BAIAP2L2: variants seen among roughly 807,000 people sequenced by gnomAD.
The protein encoded by BAIAP2L2 is BAR/IMD domain-containing adapter protein 2-like 2.
BAIAP2L2 carries 65 observed loss-of-function variants against 60.4 expected under a neutral mutation model. The ratio of observed to expected loss-of-function variants is 1.08; its 90% CI spans 0.88 to 1.32. The LOEUF (loss-of-function observed/expected upper bound fraction) is 1.32. Among genes scored for constraint, BAIAP2L2 ranks in the 40% most tolerant of loss-of-function variants. The probability of loss-of-function intolerance (pLI) is 0.00; values close to 1 mark genes in which losing one functional copy is unlikely to be tolerated. For missense variants in BAIAP2L2, 836 were observed against 741.2 expected, an observed-to-expected ratio of 1.13 and a Z score of -1.48; for synonymous variants, 344 against 301.7, an observed-to-expected ratio of 1.14 and a Z score of -1.45.
At chr22:38,100,459 G>A (rs1003675527) in intron 4 of BAIAP2L2, among the ~76,000 whole-genome samples, 3 of 151,884 alleles carry the variant, frequency 2.0e-5, no homozygotes, top group African/African-American at 7.3e-5. Flanking sequence ...CCTAGGGGGC[G>A]GAGGTTGCAG....
At chr22:38,096,932 G>A in intron 7 of BAIAP2L2, 100 bp downstream of exon 7, 1 of 1,311,530 alleles carries the variant, frequency 7.6e-7, no homozygotes, top group Non-Finnish European at 1.0e-6. Context: ...GGCAGGCAGG[G>A]AGGGAAGAGG....
At chr22:38,102,476 G>GA (rs1291483261) in intron 4 of BAIAP2L2, among the ~76,000 whole-genome samples, 1 of 152,034 alleles carries the variant, frequency 6.6e-6, no homozygotes, top group Non-Finnish European at 1.5e-5. Context: ...ACAATTTCAG[G>GA]AAAAAACCTA....
chr22:38,095,018 G>C (rs2086397143), intron 7 of BAIAP2L2, among the ~76,000 whole-genome samples: 1 of 152,146 alleles, frequency 6.6e-6, no homozygotes, highest in Non-Finnish European at 1.5e-5. Flanking sequence ...TGGGCATGGT[G>C]GCGCACACCT....
intron 12 of BAIAP2L2, among the ~76,000 whole-genome samples, chr22:38,085,988 C>T (rs891678129): frequency 7.2e-5 from 11 of 152,320 alleles, no homozygotes; most frequent in Admixed American, 2.0e-4. Flanking sequence ...GTGGCTCCAT[C>T]GGAGATGCCC....
chr22:38,101,372 A>T (rs1000043385), intron 4 of BAIAP2L2, among the ~76,000 whole-genome samples: 2 of 15,634 alleles, frequency 1.3e-4, no homozygotes, highest in Non-Finnish European at 2.3e-4. Context: ...GTCTCTACAT[A>T]AAAAAAAAAA....
At position 38,089,160 on chromosome 22, in the gene BAIAP2L2, G is replaced by C. The variant is rs1437440205; in HGVS notation, c.837C>G (p.Pro279=). The C allele has an allele frequency of 1.5e-6, 2 of 1,339,598 alleles. No homozygotes were observed. Among genetic ancestry groups the C allele is most frequent in the African/African-American group, 1.5e-5 (1 of 65,158 alleles). 83.0% of individuals were successfully genotyped at this position (1,339,598 alleles called of 1,614,324 possible). A position where few individuals can be genotyped will look rare whatever the true frequency, so the allele number is the denominator to read the frequency against. ...CTAGCTGGGACGCGGGCCTCGCGTC[G>C]GGCTCGGTGCCGTAGGAGCCGGAGC... The part of the protein sequence containing the change: ...RHGSGSYGTE[P]DARPASQLEP... The change falls in exon 9 of 14, where the codon CCC becomes CCG. Residue 279 remains proline, a synonymous_variant. Transcript: ENST00000381669.
At position 38,110,219 on chromosome 22, in the gene BAIAP2L2, A is replaced by G. The variant is rs114584838; in HGVS notation, c.51+256T>C. ...CCGGGCAGCCAGGCCCTTCTCATCCAGACTCAACTCTCCCCACCCTGGGCC... is the reference window on the plus strand; with the variant it reads ...CCGGGCAGCCAGGCCCTTCTCATCCGGACTCAACTCTCCCCACCCTGGGCC... On this transcript the variant is annotated intron_variant, in intron 1 of 13. Transcript: ENST00000381669. Among the ~76,000 whole-genome samples the G allele has an allele frequency of 4.6e-3, 692 of 148,872 alleles. 10 individuals are homozygous for G. Among genetic ancestry groups the G allele is most frequent in the Middle Eastern group, 0.028 (8 of 288 alleles).
rs1555961924 is a variant in BAIAP2L2, at chr22:38,087,164, G to GGTCAT, written c.1218_1219insATGAC (p.Pro407MetfsTer4). 2.5e-4 allele frequency: 389 copies of GGTCAT among 1,564,482 alleles called. 3 individuals are homozygous for GGTCAT. The highest frequency in any genetic ancestry group is 1.2e-3 in the South Asian group (107 of 86,506). ...TTCCCGGGGTTCATGGGTGTCATGG[G>GGTCAT]GGACATGGAGGTCATGGAGGTCATG... On this transcript the variant is annotated frameshift_variant, in exon 11 of 14. Transcript: ENST00000381669. LOFTEE classifies it high-confidence loss of function.
intron 1 of BAIAP2L2, among the ~76,000 whole-genome samples, chr22:38,110,124 A>AGAGAGAGGGAGT (rs1569234385): frequency 2.2e-5 from 1 of 46,164 alleles, no homozygotes. Context: ...AGAGAGGGAG[A>AGAGAGAGGGAGT]GAGAGAGAGA....
chr22:38,110,083 C>CAG (rs1491414963), intron 1 of BAIAP2L2, among the ~76,000 whole-genome samples: 1 of 1,518 alleles, frequency 6.6e-4, no homozygotes, highest in Non-Finnish European at 0.012. Flanking sequence ...GAGAGAGAGA[C>CAG]AGAGAGAGAG....
chr22:38,101,696 G>A, intron 4 of BAIAP2L2, among the ~76,000 whole-genome samples: 1 of 151,506 alleles, frequency 6.6e-6, no homozygotes, highest in African/African-American at 2.4e-5. Context: ...TCTACTAAAA[G>A]TACATAAATT....
intron 11 of BAIAP2L2, 87 bp from the exon 12 acceptor site, chr22:38,086,536 G>A: frequency 9.4e-7 from 1 of 1,059,072 alleles, no homozygotes; most frequent in East Asian, 2.7e-5. Flanking sequence ...CCTTAGGCAG[G>A]AGGCATCCGA....
chr22:38,109,990 G>A (rs903267629), intron 1 of BAIAP2L2, among the ~76,000 whole-genome samples: 29 of 139,482 alleles, frequency 2.1e-4, no homozygotes, highest in African/African-American at 7.3e-4. Flanking sequence ...ACAACCCCCC[G>A]GGGGTGAAGT....
chr22:38,101,390 A>C (rs894232942), intron 4 of BAIAP2L2, among the ~76,000 whole-genome samples: 4 of 88,062 alleles, frequency 4.5e-5, no homozygotes, highest in African/African-American at 1.5e-4. Flanking sequence ...AAAAAAAAAA[A>C]AAAAAAAAAA....
intron 12 of BAIAP2L2, among the ~76,000 whole-genome samples, 169 bp downstream of exon 12, chr22:38,086,073 T>G (rs2086056303): frequency 1.3e-5 from 2 of 152,152 alleles, no homozygotes; most frequent in Non-Finnish European, 2.9e-5. Flanking sequence ...GGTCTTCCCC[T>G]TCAGCCCAGA....
chr22:38,093,588 A>T (rs887008953), intron 7 of BAIAP2L2, among the ~76,000 whole-genome samples: 16 of 152,254 alleles, frequency 1.1e-4, no homozygotes, highest in Admixed American at 9.2e-4. Context: ...ATCTATAAAT[A>T]GCTAAGAAGC....
At chr22:38,085,544 T>TCA (rs1423175808) in intron 13 of BAIAP2L2, 142 bp downstream of exon 13, 5 of 1,276,534 alleles carry the variant, frequency 3.9e-6, no homozygotes, top group Non-Finnish European at 5.7e-6. Flanking sequence ...AGATAGGGTC[T>TCA]CACAGTGTTG....
At chr22:38,110,396 C>A (rs1202248701) in intron 1 of BAIAP2L2, 79 bp downstream of exon 1, 2 of 1,445,284 alleles carry the variant, frequency 1.4e-6, no homozygotes, top group Non-Finnish European at 9.6e-7. Flanking sequence ...CCGGCTGGCC[C>A]TCCGTCCTCC....
chr22:38,086,142 C>T (rs758260594), intron 12 of BAIAP2L2, 100 bp downstream of exon 12: 40 of 1,318,524 alleles, frequency 3.0e-5, no homozygotes, highest in Non-Finnish European at 4.1e-5. Context: ...GCCAGGTAGG[C>T]GGGTCCCCTG....
Sources: allele counts gnomAD v4.1 joint callset (sites outside exome capture counted in the v4.1 genomes callset), GRCh38; gene constraint gnomAD v4.1.1; transcripts MANE v1.5; gene names NCBI Gene and HGNC (gene_info 2026-07-23, HGNC 2026-07-21).